MCF2L: variants seen among roughly 807,000 people sequenced by gnomAD.
MCF2L encodes the protein guanine nucleotide exchange factor DBS.
Under a neutral mutation model 153.4 loss-of-function variants are expected in MCF2L, and 97 were observed. That is an observed-to-expected ratio of 0.63 (90% CI 0.54 to 0.75). The LOEUF (loss-of-function observed/expected upper bound fraction) is 0.75, where lower values mean the gene tolerates loss of function less well. MCF2L is among the 30% of genes least tolerant of loss of function. The pLI, the probability that MCF2L is intolerant of heterozygous loss-of-function variation, is 0.00. For synonymous variants in MCF2L, 659 were observed against 632.2 expected, an observed-to-expected ratio of 1.04 and a Z score of -0.64; for missense variants, 1,347 against 1,495.2, an observed-to-expected ratio of 0.90 and a Z score of 1.64.
At position 112,969,652 on chromosome 13, in the gene MCF2L, A is replaced by G. The variant is rs2081974673; in HGVS notation, c.79+194A>G. ...TCGGCGATCGTATGCTGCCCGGGAT[A>G]GTCAAAATGACTGCACGTTGGTGAC... On this transcript the variant is annotated intron_variant, in intron 1 of 29. Coordinates refer to ENST00000535094, the MANE Select transcript of MCF2L (RefSeq NM_001112732.3). The surrounding 1 kb of genome is among the most constrained non-coding windows in gnomAD (Gnocchi z 4.8). 3.9e-6 allele frequency: 2 copies of G among 508,320 alleles called. No homozygotes were observed. The highest frequency in any genetic ancestry group is 4.2e-5 in the African/African-American group (2 of 48,136). 31.5% of individuals were successfully genotyped at this position (508,320 alleles called of 1,614,324 possible).
chr13:112,911,658 T>G (rs1360339023), intron 2 of MCF2L, among the ~76,000 whole-genome samples: 4 of 152,214 alleles, frequency 2.6e-5, no homozygotes, highest in Non-Finnish European at 4.4e-5. Context: ...CACCCCCTTC[T>G]GTGTTCACCT....
intron 1 of MCF2L, among the ~76,000 whole-genome samples, chr13:113,000,393 A>G (rs2083314316): frequency 6.6e-6 from 1 of 152,176 alleles, no homozygotes; most frequent in African/African-American, 2.4e-5. Flanking sequence ...TTCCTGCCCC[A>G]GGGATGAGGC....
chr13:113,084,440 CT>C, intron 18 of MCF2L: 4 of 338,156 alleles, frequency 1.2e-5, no homozygotes, highest in Non-Finnish European at 2.2e-5. Context: ...TTCTGTGCCC[CT>C]AGAACCATCT....
In MCF2L at chr13:112,932,822, G is replaced by A. The variant is rs2081476744; in HGVS notation, c.169+30451G>A. ...AACGCGGGTGGATCATCTGAGGTCA[G>A]GAGTTGAAGACCAGCCTGGCCAACA... On this transcript the variant is annotated intron_variant, in intron 2 of 29. Coordinates refer to the MCF2L transcript ENST00000375608. This position sits in a 1 kb window ranked among gnomAD's most constrained non-coding sequence, Gnocchi z 4.6. Among the ~76,000 whole-genome samples, 1 of 152,156 alleles carries A rather than the reference G, an allele frequency of 6.6e-6. No homozygotes were observed. Among genetic ancestry groups the A allele is most frequent in the Non-Finnish European group, 1.5e-5 (1 of 68,024 alleles).
chr13:112,917,213 C>G (rs933360789), intron 2 of MCF2L: 3 of 470,084 alleles, frequency 6.4e-6, no homozygotes, highest in African/African-American at 4.0e-5. Context: ...CACTGCACCG[C>G]CCTGCCTCCG....
At chr13:112,988,048 A>G (rs1229986937) in intron 1 of MCF2L, among the ~76,000 whole-genome samples, 2 of 152,234 alleles carry the variant, frequency 1.3e-5, no homozygotes, top group Admixed American at 1.3e-4. Context: ...TCACAGGGTC[A>G]GGCTGCGGGG....
At chr13:112,969,204 T>A (rs1330116275), upstream of MCF2L, 1 of 1,060,048 alleles carries the variant, frequency 9.4e-7, no homozygotes, top group Non-Finnish European at 1.2e-6. This position sits in a 1 kb window ranked among gnomAD's most constrained non-coding sequence, Gnocchi z 4.8. Context: ...CGCGCCCCCC[T>A]CCCGGTGGCG....
At chr13:112,990,923 C>T (rs947305611) in intron 1 of MCF2L, among the ~76,000 whole-genome samples, 3 of 152,224 alleles carry the variant, frequency 2.0e-5, no homozygotes, top group African/African-American at 4.8e-5. Flanking sequence ...CCTGAAAACC[C>T]GCTGCCTCCT....
At chr13:112,917,884 C>T (rs2081311463) in intron 2 of MCF2L, among the ~76,000 whole-genome samples, 2 of 152,188 alleles carry the variant, frequency 1.3e-5, no homozygotes, top group Non-Finnish European at 2.9e-5. Flanking sequence ...CCTCACCTGC[C>T]CACCCCCCTG....
At position 113,045,285 on chromosome 13, in the gene MCF2L, G is replaced by A; in HGVS notation, c.293G>A (p.Gly98Asp). 1 of 1,613,916 alleles carries A rather than the reference G, an allele frequency of 6.2e-7. No individual in the cohort carries two copies. The highest frequency in any genetic ancestry group is 8.5e-7 in the Non-Finnish European group (1 of 1,179,928). Residue 98 changes from glycine (G) to aspartate (D), a missense_variant, in exon 4 of 30, where the codon GGC (glycine) becomes GAC (aspartate). By Grantham distance (94) the Gly-to-Asp change is moderately conservative (BLOSUM62 -1). Coordinates refer to ENST00000535094, the MANE Select transcript of MCF2L (RefSeq NM_001112732.3). This position sits in a 1 kb window ranked among gnomAD's most constrained non-coding sequence, Gnocchi z 4.2. ...LTSIPSLQDA[G>D]IGFILVIDRR... ...CCTCACTGCAGCCTGCAGGACGCTGGCATCGGATTCATCCTGGTGATAGAC... is the reference window on the plus strand; with the variant it reads ...CCTCACTGCAGCCTGCAGGACGCTGACATCGGATTCATCCTGGTGATAGAC...
chr13:112,979,374 C>T, intron 1 of MCF2L: 1 of 1,337,926 alleles, frequency 7.5e-7, no homozygotes, highest in Non-Finnish European at 9.5e-7. Context: ...GCATTGTCTG[C>T]CTGCTCTTCC....
rs148083970 is a variant in MCF2L, at chr13:112,943,236, G to A, written c.169+40865G>A. Among the ~76,000 whole-genome samples the A allele has an allele frequency of 2.7e-3, 418 of 152,302 alleles. 1 individual carries two copies. Among genetic ancestry groups the A allele is most frequent in the African/African-American group, 9.6e-3 (400 of 41,572 alleles). ...CACCATGTTTCCCACTGGCACAGGTGGGGCGGCCACGCCTGTGCCCGCGGC... is the reference window on the plus strand; with the variant it reads ...CACCATGTTTCCCACTGGCACAGGTAGGGCGGCCACGCCTGTGCCCGCGGC... On this transcript the variant is annotated intron_variant, in intron 2 of 29. Coordinates refer to the MCF2L transcript ENST00000375608. This position sits in a 1 kb window ranked among gnomAD's most constrained non-coding sequence, Gnocchi z 4.2.
chr13:113,056,239 G>A (rs1317302617), intron 4 of MCF2L, among the ~76,000 whole-genome samples: 4 of 152,222 alleles, frequency 2.6e-5, no homozygotes, highest in African/African-American at 7.2e-5. Context: ...TACAAGGCAG[G>A]TGACCTGGTC....
chr13:113,044,883 C>T (rs769039132), intron 3 of MCF2L: 19 of 1,612,760 alleles, frequency 1.2e-5, no homozygotes, highest in African/African-American at 5.3e-5. Context: ...CCAGGACCGG[C>T]GTGATGTATG....
intron 3 of MCF2L, chr13:113,026,786 G>A: frequency 1.7e-6 from 1 of 602,948 alleles, no homozygotes; most frequent in Non-Finnish European, 3.0e-6. Flanking sequence ...GTTCCCTCAG[G>A]CTGCAGTTTT....
At chr13:113,004,836 C>G (rs2083582503) in intron 1 of MCF2L, among the ~76,000 whole-genome samples, 1 of 152,254 alleles carries the variant, frequency 6.6e-6, no homozygotes, top group Non-Finnish European at 1.5e-5. Flanking sequence ...GTGCCCATTT[C>G]TCTCTGGACC....
intron 2 of MCF2L, among the ~76,000 whole-genome samples, chr13:112,950,910 C>T (rs537462084): frequency 6.6e-6 from 1 of 152,298 alleles, no homozygotes; most frequent in South Asian, 2.1e-4. Flanking sequence ...AAAACTTATG[C>T]TGTGTGAAAG....
intron 1 of MCF2L, among the ~76,000 whole-genome samples, chr13:112,982,012 C>T (rs1410033246): frequency 1.3e-5 from 2 of 152,182 alleles, no homozygotes; most frequent in Non-Finnish European, 2.9e-5. Flanking sequence ...AGATGCTCAG[C>T]TCATGTTGGA....
chr13:113,018,200 G>A (rs1397326799), intron 2 of MCF2L, among the ~76,000 whole-genome samples: 2 of 152,182 alleles, frequency 1.3e-5, no homozygotes. Context: ...GTACGTTGCC[G>A]CCCAAAGTCA....
Sources: allele counts gnomAD v4.1 joint callset (sites outside exome capture counted in the v4.1 genomes callset), GRCh38; gene constraint gnomAD v4.1.1; non-coding constraint Gnocchi (gnomAD v3.1); transcripts MANE v1.5; gene names NCBI Gene and HGNC (gene_info 2026-07-23, HGNC 2026-07-21).